The following XIST variants were observed in gnomAD, a reference collection of about 807,000 sequenced individuals.
The protein encoded by XIST is X inactive specific transcript (non-protein coding).
exon 6 of XIST, chrX:73,822,489 C>A (rs757314096): frequency 7.8e-6 from 4 of 513,549 alleles, no homozygotes; most frequent in South Asian, 4.9e-5. Context: ...TATTGGCACC[C>A]GAATATATTT....
exon 1 of XIST, chrX:73,851,261 G>C: frequency 3.6e-6 from 2 of 559,007 alleles, no homozygotes; most frequent in Non-Finnish European, 3.2e-6. Flanking sequence ...CAAAAGCCAT[G>C]ATATACATAT....
intron 1 of XIST, among the ~76,000 whole-genome samples, chrX:73,839,099 A>G (rs771209503): frequency 3.0e-4 from 33 of 111,676 alleles, no homozygotes; most frequent in African/African-American, 1.0e-3. Context: ...CTCTTAATTC[A>G]TTACTTTAAG....
chrX:73,846,382 G>A (rs756018552), exon 1 of XIST: 24 of 557,566 alleles, frequency 4.3e-5, no homozygotes, highest in Admixed American at 1.6e-4. Context: ...TGCTGGAAGG[G>A]AAAGGTGAGA....
chrX:73,849,927 G>A lies in XIST; in HGVS notation n.2797C>T, dbSNP rs866109749. The A allele has an allele frequency of 9.2e-6, 5 of 544,640 alleles. No individual in the cohort carries two copies. In the Admixed American group the frequency reaches 9.3e-5, roughly 10 times the overall value. The allele number at this position is 544,640 out of a possible 1,213,427, so 44.9% of individuals were successfully genotyped here. Reference sequence around the variant, plus strand: ...GCTGGGGCTAGACTAGGGGTTTGCTGGGAGCAGGGCTGGGGAGGAACTGGA... The same window carrying A: ...GCTGGGGCTAGACTAGGGGTTTGCTAGGAGCAGGGCTGGGGAGGAACTGGA... On this transcript the variant is annotated non_coding_transcript_exon_variant, in exon 1 of 6. Coordinates refer to ENST00000429829, the Ensembl canonical transcript of XIST.
exon 1 of XIST, chrX:73,847,426 G>C: frequency 2.0e-6 from 1 of 511,404 alleles, no homozygotes; most frequent in Non-Finnish European, 3.5e-6. Context: ...TTTAATGTTG[G>C]CCAGGCTGGT....
At chrX:73,832,818 G>C (rs1417331353) in intron 3 of XIST, among the ~76,000 whole-genome samples, 1 of 111,295 alleles carries the variant, frequency 9.0e-6, no homozygotes, top group African/African-American at 3.3e-5. Flanking sequence ...ATTATGTAAA[G>C]TTAAAATGTA....
chrX:73,846,268 T>G (rs769670128), exon 1 of XIST: 2 of 558,836 alleles, frequency 3.6e-6, no homozygotes, highest in East Asian at 6.5e-5. Context: ...GGTTGAGCTG[T>G]GTGTAGTTAT....
At position 73,845,692 on chromosome X, in the gene XIST, T is replaced by A. The variant is rs769815799; in HGVS notation, n.7032A>T. 7.3e-6 allele frequency: 4 copies of A among 548,052 alleles called. No homozygotes were observed. In the African/African-American group the frequency reaches 9.7e-5, roughly 13 times the overall value. The allele number at this position is 548,052 out of a possible 1,213,427, so 45.2% of individuals were successfully genotyped here. On this transcript the variant is annotated non_coding_transcript_exon_variant, in exon 1 of 6. Coordinates refer to ENST00000429829, the Ensembl canonical transcript of XIST. Reference sequence around the variant, plus strand: ...GATGGGCCATGTGCAGTTACGCACATTAATGTCCAATAATGTCCAAGGTGC... The same window carrying A: ...GATGGGCCATGTGCAGTTACGCACAATAATGTCCAATAATGTCCAAGGTGC...
intron 3 of XIST, among the ~76,000 whole-genome samples, chrX:73,832,442 CT>C (rs1922406186): frequency 1.8e-5 from 2 of 111,670 alleles, no homozygotes; most frequent in South Asian, 7.5e-4. Context: ...CCCCGGGGCT[CT>C]CCTATTCCAC....
At chrX:73,845,678 T>C (rs1205960664) in exon 1 of XIST, 1 of 556,722 alleles carries the variant, frequency 1.8e-6, no homozygotes, top group Non-Finnish European at 3.2e-6. Flanking sequence ...ATGGGCCATG[T>C]GCAGTTACGC....
exon 1 of XIST, chrX:73,841,935 T>C (rs779123454): frequency 1.9e-6 from 1 of 528,992 alleles, no homozygotes; most frequent in Non-Finnish European, 3.4e-6. Context: ...TTAGGTAGTT[T>C]TTCTAAAAGT....
At chrX:73,830,957 G>A (rs1922367950) in intron 4 of XIST, 2 of 458,560 alleles carry the variant, frequency 4.4e-6, no homozygotes, top group East Asian at 3.7e-5. Context: ...CAAATCATAT[G>A]CAGAATAATG....
chrX:73,846,121 G>C, exon 1 of XIST: 1 of 555,128 alleles, frequency 1.8e-6, no homozygotes, highest in East Asian at 3.3e-5. Flanking sequence ...AGTGTGGCAG[G>C]GGAGGCTTCC....
At chrX:73,832,082 C>A (rs942226694) in intron 3 of XIST, among the ~76,000 whole-genome samples, 1 of 112,226 alleles carries the variant, frequency 8.9e-6, no homozygotes. Context: ...CGCCTGTAAT[C>A]CCAGCAGTTT....
In XIST at chrX:73,850,019, C is replaced by T. The variant is rs181822244; in HGVS notation, n.2705G>A. The T allele has an allele frequency of 4.3e-3, 2,417 of 556,320 alleles. 7 individuals carry two copies. The highest frequency in any genetic ancestry group is 6.4e-3 in the Non-Finnish European group (1,973 of 308,951). 45.8% of individuals were successfully genotyped at this position (556,320 alleles called of 1,213,427 possible). On this transcript the variant is annotated non_coding_transcript_exon_variant, in exon 1 of 6. Coordinates refer to ENST00000429829, the Ensembl canonical transcript of XIST. ...ATATAATAAGTCTGAATAGAGGACA[C>T]CAGACCACAGCAATTCAAGTTTCCT...
In XIST at chrX:73,828,754, G is replaced by A. The variant is rs1263324023; in HGVS notation, n.11916+314C>T. The stretch of plus-strand genomic sequence containing the variant: ...ATGAGAAAGGGTTACCCTTTCAGCA[G>A]AAAGCAGAAATGGTGTTTTAAGCTT... On this transcript the variant is annotated intron_variant and non_coding_transcript_variant, in intron 5 of 5. Coordinates refer to ENST00000429829, the Ensembl canonical transcript of XIST. The A allele has an allele frequency of 2.0e-5, 3 of 151,020 alleles. No homozygotes were observed. The Admixed American group carries it at 2.4e-4, about 12-fold the overall frequency. The allele number at this position is 151,020 out of a possible 1,213,427, so 12.4% of individuals were successfully genotyped here.
exon 1 of XIST, chrX:73,851,981 T>C (rs750377249): frequency 1.3e-5 from 7 of 555,277 alleles, no homozygotes; most frequent in Non-Finnish European, 2.3e-5. Context: ...CCAACATTTT[T>C]TCATCCATAA....
exon 1 of XIST, chrX:73,850,102 G>A (rs1426627254): frequency 3.6e-6 from 2 of 559,115 alleles, no homozygotes; most frequent in Non-Finnish European, 6.5e-6. Context: ...AACAAAGCAA[G>A]GCCTGGACCT....
At chrX:73,841,635 A>G (rs759249998) in exon 1 of XIST, 5 of 555,627 alleles carry the variant, frequency 9.0e-6, no homozygotes, top group Admixed American at 2.2e-5. Flanking sequence ...CAGCTATCTC[A>G]CTGTTGAAAT....
Sources: allele counts gnomAD v4.1 joint callset (sites outside exome capture counted in the v4.1 genomes callset), GRCh38; gene constraint gnomAD v4.1.1; transcripts MANE v1.5; gene names NCBI Gene and HGNC (gene_info 2026-07-23, HGNC 2026-07-21).